The following CNBD1 variants were observed in gnomAD, a reference collection of about 807,000 sequenced individuals.
CNBD1 encodes the protein cyclic nucleotide binding domain containing 1.
A neutral mutation model predicts 54.4 loss-of-function variants in CNBD1; 71 were observed. The observed-to-expected ratio is 1.30, with a 90% CI of 1.08 to 1.59. CNBD1 has a LOEUF of 1.59. Among genes scored for constraint, CNBD1 ranks in the 40% most tolerant of loss-of-function variants. CNBD1 has a pLI of 0.00. For synonymous variants in CNBD1, 182 were observed against 170.7 expected, an observed-to-expected ratio of 1.07 and a Z score of -0.51; for missense variants, 659 against 518.0, an observed-to-expected ratio of 1.27 and a Z score of -2.64.
chr8:87,020,445 C>T (rs915667160), intron 4 of CNBD1, among the ~76,000 whole-genome samples: 8 of 152,058 alleles, frequency 5.3e-5, no homozygotes, highest in Non-Finnish European at 8.8e-5. Context: ...CTGTGGGAAC[C>T]GATGCTGTTT....
intron 4 of CNBD1, among the ~76,000 whole-genome samples, chr8:86,952,148 A>G (rs369337035): frequency 4.1e-4 from 62 of 152,210 alleles, no homozygotes; most frequent in African/African-American, 1.4e-3. Flanking sequence ...GCGCCAAACC[A>G]ATGTCCATTT....
chr8:87,293,317 G>A (rs1021383260), intron 8 of CNBD1, among the ~76,000 whole-genome samples: 14 of 152,124 alleles, frequency 9.2e-5, no homozygotes, highest in Admixed American at 7.2e-4. Context: ...GCTGAGGTGG[G>A]CTGACCACCT....
At chr8:87,036,042 G>A (rs183621399) in intron 4 of CNBD1, among the ~76,000 whole-genome samples, 97 of 152,252 alleles carry the variant, frequency 6.4e-4, no homozygotes, top group Non-Finnish European at 1.0e-3. Context: ...GTAGGGAAAC[G>A]CAGCCTTGCA....
chr8:87,245,276 TTG>T (rs749275223), intron 6 of CNBD1, among the ~76,000 whole-genome samples: 1 of 152,040 alleles, frequency 6.6e-6, no homozygotes, highest in Non-Finnish European at 1.5e-5. Context: ...AAATTATACT[TTG>T]TGTAAAATTT....
intron 5 of CNBD1, among the ~76,000 whole-genome samples, chr8:87,235,219 A>G (rs935731043): frequency 6.6e-6 from 1 of 152,180 alleles, no homozygotes; most frequent in Non-Finnish European, 1.5e-5. Flanking sequence ...CAGTATAGCA[A>G]TGAGGCTGTT....
intron 4 of CNBD1, among the ~76,000 whole-genome samples, chr8:87,095,783 G>A (rs920657616): frequency 3.3e-5 from 5 of 152,070 alleles, no homozygotes; most frequent in East Asian, 3.9e-4. Context: ...TTAGCCTCCC[G>A]AGTAGCTGGG....
intron 4 of CNBD1, among the ~76,000 whole-genome samples, chr8:87,101,888 A>ATTT (rs373181788): frequency 1.5e-5 from 2 of 137,422 alleles, no homozygotes; most frequent in Non-Finnish European, 1.6e-5. Context: ...AGTAGATTTA[A>ATTT]TTTTTTTTTT....
chr8:87,248,498 A>G (rs951709102), intron 6 of CNBD1, among the ~76,000 whole-genome samples: 22 of 152,182 alleles, frequency 1.4e-4, no homozygotes, highest in Admixed American at 1.4e-3. Flanking sequence ...TTGTGTTCAC[A>G]TTTTTTTCTT....
rs1022416558 is a variant in CNBD1 at position 86,902,208 on chromosome 8, C to T, written c.159-2873C>T. On this transcript the variant is annotated intron_variant, in intron 2 of 10. Transcript: ENST00000518476. The stretch of plus-strand genomic sequence containing the variant: ...GGGTACACAGCTAGACTACATTTAC[C>T]AACCTCCCTTGTAGTTAGAGAGACT... Among the ~76,000 whole-genome samples, 37 of 152,178 alleles carry T rather than the reference C, an allele frequency of 2.4e-4. 1 individual carries two copies. Among genetic ancestry groups the T allele is most frequent in the Non-Finnish European group, 5.3e-4 (36 of 68,004 alleles).
At chr8:86,874,417 G>T (rs1808485637) in intron 1 of CNBD1, among the ~76,000 whole-genome samples, 1 of 151,916 alleles carries the variant, frequency 6.6e-6, no homozygotes, top group Non-Finnish European at 1.5e-5. Context: ...TCTTATCAGG[G>T]GCCATATGAT....
intron 10 of CNBD1, among the ~76,000 whole-genome samples, chr8:87,375,913 T>A (rs886888272): frequency 1.3e-5 from 2 of 151,956 alleles, no homozygotes; most frequent in Admixed American, 1.3e-4. Context: ...CTACTCAGAC[T>A]ATGTTGATAA....
chr8:86,879,123 T>C (rs1808566751), intron 1 of CNBD1, among the ~76,000 whole-genome samples: 1 of 152,150 alleles, frequency 6.6e-6, no homozygotes, highest in Non-Finnish European at 1.5e-5. Flanking sequence ...CTTTGTTATT[T>C]TTTCTTGATT....
intron 4 of CNBD1, among the ~76,000 whole-genome samples, chr8:87,083,280 A>G (rs1811032263): frequency 6.6e-6 from 1 of 152,210 alleles, no homozygotes; most frequent in Non-Finnish European, 1.5e-5. Flanking sequence ...CTATTAACAT[A>G]GCTAGATCTT....
intron 4 of CNBD1, among the ~76,000 whole-genome samples, chr8:87,062,573 A>G (rs1003566988): frequency 1.5e-4 from 23 of 152,174 alleles, no homozygotes; most frequent in African/African-American, 5.1e-4. Context: ...CCCTGTCTCT[A>G]CTGAAAATAC....
At chr8:87,133,329 A>T (rs1403487670) in intron 4 of CNBD1, among the ~76,000 whole-genome samples, 1 of 152,124 alleles carries the variant, frequency 6.6e-6, no homozygotes, top group Non-Finnish European at 1.5e-5. Flanking sequence ...TATCCTCAAC[A>T]TTGTGAAGTC....
intron 10 of CNBD1, among the ~76,000 whole-genome samples, chr8:87,361,800 G>A (rs764013742): frequency 6.6e-6 from 1 of 150,832 alleles, no homozygotes; most frequent in Admixed American, 6.6e-5. Flanking sequence ...AATAGATGGG[G>A]GGGTAGAATT....
intron 6 of CNBD1, among the ~76,000 whole-genome samples, chr8:87,282,965 C>T (rs1470485178): frequency 6.6e-6 from 1 of 152,074 alleles, no homozygotes; most frequent in Non-Finnish European, 1.5e-5. Context: ...CAACTCACTT[C>T]CCTCAGCCCT....
intron 4 of CNBD1, among the ~76,000 whole-genome samples, chr8:87,003,308 CAG>C (rs1207172809): frequency 7.2e-5 from 11 of 152,078 alleles, no homozygotes; most frequent in Non-Finnish European, 1.3e-4. Context: ...ATTAAAAGGA[CAG>C]AATGATTCCT....
chr8:87,198,001 T>C (rs963440989), intron 4 of CNBD1, among the ~76,000 whole-genome samples: 4 of 152,182 alleles, frequency 2.6e-5, no homozygotes, highest in African/African-American at 7.2e-5. Context: ...AGTGAAAACC[T>C]CTGTGAAACT....
Sources: allele counts gnomAD v4.1 joint callset (sites outside exome capture counted in the v4.1 genomes callset), GRCh38; gene constraint gnomAD v4.1.1; transcripts MANE v1.5; gene names NCBI Gene and HGNC (gene_info 2026-07-23, HGNC 2026-07-21).